The following PHLPP2 variants were observed in gnomAD, a reference collection of about 807,000 sequenced individuals.
PHLPP2 encodes PH domain leucine-rich repeat-containing protein phosphatase 2.
In PHLPP2, 66 loss-of-function variants were observed where a neutral mutation model predicts 124.9. The ratio of observed to expected loss-of-function variants is 0.53; its 90% CI spans 0.43 to 0.65. The LOEUF (loss-of-function observed/expected upper bound fraction) is 0.65, where lower values mean the gene tolerates loss of function less well. Ranked by LOEUF, PHLPP2 falls within the 30% of genes least tolerant of loss-of-function variation. PHLPP2 has a pLI of 0.00. For synonymous variants in PHLPP2, 681 were observed against 624.7 expected, an observed-to-expected ratio of 1.09 and a Z score of -1.34; for missense variants, 1,685 against 1,600.4, an observed-to-expected ratio of 1.05 and a Z score of -0.90.
intron 3 of PHLPP2, among the ~76,000 whole-genome samples, chr16:71,700,281 T>A (rs1437994565): frequency 1.3e-5 from 2 of 151,934 alleles, no homozygotes; most frequent in African/African-American, 4.8e-5. Context: ...GGTGCGCACG[T>A]GTAGTTCCAG....
chr16:71,660,472 C>T (rs766364734), intron 13 of PHLPP2, among the ~76,000 whole-genome samples: 5 of 117,190 alleles, frequency 4.3e-5, no homozygotes, highest in Non-Finnish European at 8.1e-5. Context: ...GTTGCCCAGG[C>T]TGGAGTGCAG....
At chr16:71,711,088 G>C (rs944596111) in intron 2 of PHLPP2, among the ~76,000 whole-genome samples, 1 of 152,008 alleles carries the variant, frequency 6.6e-6, no homozygotes, top group Non-Finnish European at 1.5e-5. Context: ...CCAGCACTTT[G>C]GGAGGCCGAG....
Position 71,676,628 on chromosome 16 carries a change from C to G in PHLPP2, c.1290G>C (p.Met430Ile). 1.2e-6 allele frequency: 2 copies of G among 1,613,230 alleles called. No homozygotes were observed. Among genetic ancestry groups the G allele is most frequent in the Middle Eastern group, 1.7e-4 (1 of 6,060 alleles). Residue 430 changes from methionine (M) to isoleucine (I), a missense_variant, in exon 9 of 19, where the codon ATG (methionine) becomes ATC (isoleucine). Physicochemically the swap from Met to Ile is conservative, Grantham distance 10. Transcript: ENST00000568954. ...TATTTCCCTCCAGATTTTCAATAAC[C>G]ATGGTTTTCAAATGGTTCATCCTTA... ...VDLRMNHLKT[M>I]VIENLEGNKH... is the part of the protein sequence containing the mutation.
chr16:71,658,243 C>G lies in PHLPP2; in HGVS notation c.2269G>C (p.Asp757His). 6.2e-7 allele frequency: 1 copy of G among 1,613,564 alleles called. No homozygotes were observed. Residue 757 changes from aspartate (D) to histidine (H), a missense_variant, in exon 15 of 19, where the codon GAC becomes CAC. Asp to His is a moderately conservative substitution (Grantham distance 81, BLOSUM62 -1). Coordinates refer to ENST00000568954, the MANE Select transcript of PHLPP2 (RefSeq NM_015020.3). ...CAAATTTTTTCCTACCTAAATATGT[C>G]CAGTGTCTTGTGTTCCAGAACCAGA... ...TNLVLEHKTL[D>H]IFSHITTLKI...
At chr16:71,665,272 CG>C (rs2044828734) in intron 12 of PHLPP2, among the ~76,000 whole-genome samples, 4 of 151,718 alleles carry the variant, frequency 2.6e-5, no homozygotes, top group South Asian at 2.1e-4. Context: ...ATCGTGCCAC[CG>C]CACTCCAGCC....
chr16:71,656,179 T>C (rs2044740654), intron 16 of PHLPP2, among the ~76,000 whole-genome samples: 1 of 152,044 alleles, frequency 6.6e-6, no homozygotes, highest in South Asian at 2.1e-4. Flanking sequence ...GGTTTGGACT[T>C]TGGTTTGGTC....
In PHLPP2 at chr16:71,645,953, G is replaced by A. The variant is rs1275803884; in HGVS notation, c.*2937C>T. ...TCTTTCTTCCATGGACTCCTAAACT[G>A]CTCCCACAATCAGCAGTGTTCTTCT... is the stretch of plus-strand genomic sequence containing the variant. On this transcript the variant is annotated 3_prime_UTR_variant, in exon 19 of 19. Coordinates refer to ENST00000568954, the MANE Select transcript of PHLPP2 (RefSeq NM_015020.3). The A allele has an allele frequency of 6.6e-6, 1 of 152,432 alleles. No individual in the cohort carries two copies. Among genetic ancestry groups the A allele is most frequent in the South Asian group, 2.1e-4 (1 of 4,830 alleles). 9.4% of individuals were successfully genotyped at this position (152,432 alleles called of 1,614,324 possible).
At position 71,690,517 on chromosome 16, in the gene PHLPP2, A is replaced by C. The variant is rs753776025; in HGVS notation, c.609+2T>G. ...AAAATAATTCATCTTTGTGAGTCTT[A>C]CCTTTCCACCAACCAGAGGCAAAAT... is the stretch of plus-strand genomic sequence containing the variant. On this transcript the variant is annotated splice_donor_variant, in intron 4 of 18. Transcript: ENST00000568954. LOFTEE classifies it high-confidence loss of function. The C allele has an allele frequency of 1.3e-6, 2 of 1,590,494 alleles. No individual in the cohort carries two copies. The highest frequency in any genetic ancestry group is 2.2e-5 in the East Asian group (1 of 44,766).
chr16:71,662,405 G>C (rs1417962180), intron 13 of PHLPP2, among the ~76,000 whole-genome samples: 1 of 151,764 alleles, frequency 6.6e-6, no homozygotes, highest in African/African-American at 2.4e-5. Flanking sequence ...ACTCCAGCCT[G>C]GCCAACAGAG....
chr16:71,709,382 G>C (rs1243734466), intron 2 of PHLPP2, among the ~76,000 whole-genome samples: 1 of 151,988 alleles, frequency 6.6e-6, no homozygotes, highest in Admixed American at 6.6e-5. Context: ...AATTTTAAAA[G>C]ATAGCTACTG....
chr16:71,676,309 A>G, intron 9 of PHLPP2, 138 bp downstream of exon 9: 1 of 638,324 alleles, frequency 1.6e-6, no homozygotes, highest in Non-Finnish European at 2.8e-6. Flanking sequence ...CAGCAAAGTG[A>G]AGAGATAAAG....
In PHLPP2 at chr16:71,667,322, C is replaced by G; in HGVS notation, c.1640G>C (p.Ser547Thr). 1 of 1,612,624 alleles carries G rather than the reference C, an allele frequency of 6.2e-7. No individual in the cohort carries two copies. The highest frequency in any genetic ancestry group is 8.5e-7 in the Non-Finnish European group (1 of 1,179,150). The change falls in exon 12 of 19, where the codon AGC becomes ACC. Residue 547 changes from serine to threonine, a missense_variant. By Grantham distance (58) the Ser-to-Thr change is moderately conservative (BLOSUM62 1). Transcript: ENST00000568954. Reference sequence around the variant, plus strand: ...CAGCATCAGTTTTCTAAGACTCAAGCTACTCAGAATTCTAAGGGGGGAGCA... The same window carrying G: ...CAGCATCAGTTTTCTAAGACTCAAGGTACTCAGAATTCTAAGGGGGGAGCA... ...LTEVPVRILS[S>T]LSLRKLMLGH...
intron 2 of PHLPP2, among the ~76,000 whole-genome samples, chr16:71,705,543 G>A (rs559557127): frequency 8.6e-5 from 13 of 150,876 alleles, no homozygotes; most frequent in African/African-American, 1.5e-4. Flanking sequence ...CCGAAGTCTC[G>A]CTCTGTTGCC....
intron 9 of PHLPP2, among the ~76,000 whole-genome samples, chr16:71,675,564 C>T (rs2044938657): frequency 6.6e-6 from 1 of 152,198 alleles, no homozygotes; most frequent in Non-Finnish European, 1.5e-5. Context: ...ATATCACAGT[C>T]TCTCTTACTA....
chr16:71,679,700 C>T (rs542644295), intron 6 of PHLPP2, among the ~76,000 whole-genome samples, 165 bp from the exon 7 acceptor site: 2 of 152,120 alleles, frequency 1.3e-5, no homozygotes, highest in Non-Finnish European at 2.9e-5. Context: ...TGAGTGGGGA[C>T]AGAGGACACC....
intron 2 of PHLPP2, among the ~76,000 whole-genome samples, chr16:71,704,098 G>A (rs1316916817): frequency 3.3e-5 from 5 of 152,118 alleles, no homozygotes; most frequent in East Asian, 1.9e-4. Flanking sequence ...TGAGGCGGGC[G>A]GATCACGAGG....
At chr16:71,705,017 C>T (rs974683549) in intron 2 of PHLPP2, among the ~76,000 whole-genome samples, 1 of 152,060 alleles carries the variant, frequency 6.6e-6, no homozygotes, top group African/African-American at 2.4e-5. Flanking sequence ...GGACTCAGAA[C>T]AATGAGAAGG....
intron 3 of PHLPP2, among the ~76,000 whole-genome samples, chr16:71,695,233 A>G (rs1054432608): frequency 6.6e-6 from 1 of 152,242 alleles, no homozygotes; most frequent in African/African-American, 2.4e-5. Context: ...TGAGTAACCT[A>G]TAACCCAATA....
chr16:71,670,252 T>C (rs1178035602), intron 10 of PHLPP2, among the ~76,000 whole-genome samples: 1 of 151,992 alleles, frequency 6.6e-6, no homozygotes, highest in Non-Finnish European at 1.5e-5. Context: ...GAGATCTGAG[T>C]GTAGCTGAAA....
Sources: allele counts gnomAD v4.1 joint callset (sites outside exome capture counted in the v4.1 genomes callset), GRCh38; gene constraint gnomAD v4.1.1; transcripts MANE v1.5; gene names NCBI Gene and HGNC (gene_info 2026-07-23, HGNC 2026-07-21).